The following SRBD1 variants were observed in gnomAD, a reference collection of about 807,000 sequenced individuals.
SRBD1 encodes the protein S1 RNA binding domain 1.
In SRBD1, 88 loss-of-function variants were observed where a neutral mutation model predicts 115.3. The ratio of observed to expected loss-of-function variants is 0.76; its 90% CI spans 0.64 to 0.91. The LOEUF (loss-of-function observed/expected upper bound fraction) is 0.91. Among genes scored for constraint, SRBD1 ranks in the 40% least tolerant of loss-of-function variants. The probability of loss-of-function intolerance (pLI) is 0.00; values close to 1 mark genes in which losing one functional copy is unlikely to be tolerated. For missense variants in SRBD1, 1,385 were observed against 1,177.4 expected (o/e 1.18, Z -2.58); for synonymous variants, 509 against 407.7 (o/e 1.25, Z -2.99).
At chr2:45,596,696 A>G (rs1452737269) in intron 4 of SRBD1, among the ~76,000 whole-genome samples, 3 of 152,194 alleles carry the variant, frequency 2.0e-5, no homozygotes, top group Non-Finnish European at 4.4e-5. Flanking sequence ...TACAGAGCCG[A>G]GCTCATAACA....
At chr2:45,587,028 T>TATTTAAAA (rs1269901391) in intron 4 of SRBD1, among the ~76,000 whole-genome samples, 2 of 131,204 alleles carry the variant, frequency 1.5e-5, no homozygotes, top group African/African-American at 3.1e-5. Flanking sequence ...AATATTAAAA[T>TATTTAAAA]ATTTAAAAAT....
At chr2:45,529,478 A>T (rs1469185300) in intron 14 of SRBD1, among the ~76,000 whole-genome samples, 1 of 151,918 alleles carries the variant, frequency 6.6e-6, no homozygotes, top group Non-Finnish European at 1.5e-5. Context: ...GAAAAATGTC[A>T]AGTCCAAAAT....
At chr2:45,419,654 A>C (rs768857132) in intron 17 of SRBD1, 134 bp downstream of exon 17, 1 of 666,592 alleles carries the variant, frequency 1.5e-6, no homozygotes, top group Non-Finnish European at 2.6e-6. Flanking sequence ...CTGATTACTT[A>C]AAGCAATGTA....
chr2:45,538,913 A>T (rs955620754), intron 14 of SRBD1, among the ~76,000 whole-genome samples: 1 of 151,390 alleles, frequency 6.6e-6, no homozygotes, highest in African/African-American at 2.4e-5. Flanking sequence ...AGCATCCTTT[A>T]AAAAAAAAGA....
chr2:45,540,042 T>C (rs1036772878), intron 14 of SRBD1, among the ~76,000 whole-genome samples: 6 of 152,000 alleles, frequency 3.9e-5, no homozygotes, highest in Non-Finnish European at 8.8e-5. Flanking sequence ...AAAATAAAAC[T>C]GAAATTAAAA....
intron 7 of SRBD1, among the ~76,000 whole-genome samples, chr2:45,577,799 A>G (rs1673226358): frequency 6.6e-6 from 1 of 152,174 alleles, no homozygotes; most frequent in Non-Finnish European, 1.5e-5. Context: ...GACAAAGAGA[A>G]AGAGAAAACA....
chr2:45,488,224 G>T lies in SRBD1; in HGVS notation c.1966+16C>A. On this transcript the variant is annotated intron_variant, in intron 15 of 20. Coordinates refer to ENST00000263736, the MANE Select transcript of SRBD1 (RefSeq NM_018079.5). ...ATCAAAATCACATGTTTTTGTGATG[G>T]TCCATAGTTTCTTACCTGCACTTCT... The T allele has an allele frequency of 6.2e-7, 1 of 1,605,738 alleles. No individual in the cohort carries two copies. The highest frequency in any genetic ancestry group is 8.5e-7 in the Non-Finnish European group (1 of 1,172,912).
intron 16 of SRBD1, among the ~76,000 whole-genome samples, chr2:45,424,076 T>C (rs1379468243): frequency 6.6e-6 from 1 of 152,152 alleles, no homozygotes; most frequent in Admixed American, 6.5e-5. Flanking sequence ...CATAATACAA[T>C]TATTAAAATT....
At chr2:45,414,867 CACACA>C (rs1667756524) in intron 18 of SRBD1, among the ~76,000 whole-genome samples, 5 of 138,620 alleles carry the variant, frequency 3.6e-5, no homozygotes, top group African/African-American at 1.1e-4. Flanking sequence ...ATAGTATGTA[CACACA>C]ATATAGTGTG....
Position 45,406,503 on chromosome 2 carries a change from T to C in SRBD1, c.2513+6611A>G, listed in dbSNP as rs112690811. ...CTATAACATGGGTTCTCTTGCCATATTTAATTGACATTCTACCTCCATCCT... is the reference window on the plus strand; with the variant it reads ...CTATAACATGGGTTCTCTTGCCATACTTAATTGACATTCTACCTCCATCCT... On this transcript the variant is annotated intron_variant, in intron 19 of 20. Coordinates refer to ENST00000263736, the MANE Select transcript of SRBD1 (RefSeq NM_018079.5). Among the ~76,000 whole-genome samples the C allele has an allele frequency of 5.3e-3, 812 of 152,300 alleles. 5 individuals are homozygous for C. Among genetic ancestry groups the C allele is most frequent in the African/African-American group, 0.018 (758 of 41,578 alleles).
chr2:45,557,448 T>G (rs899989732), intron 10 of SRBD1, among the ~76,000 whole-genome samples: 3 of 152,190 alleles, frequency 2.0e-5, no homozygotes, highest in African/African-American at 7.2e-5. Context: ...CCCAGTAGTC[T>G]TCTTCAAGTC....
At chr2:45,409,097 G>A (rs56073859) in intron 19 of SRBD1, among the ~76,000 whole-genome samples, 52,281 of 151,806 alleles carry the variant, frequency 0.34, 9,933 homozygotes, top group Non-Finnish European at 0.44. Context: ...CACAGCACAT[G>A]CCTGTAGTCC....
intron 14 of SRBD1, among the ~76,000 whole-genome samples, chr2:45,541,885 T>C (rs1671952225): frequency 6.6e-6 from 1 of 152,184 alleles, no homozygotes; most frequent in African/African-American, 2.4e-5. Context: ...GATTGGTCCA[T>C]GGGCAGCCAT....
rs1397566914 is a variant in SRBD1 at position 45,579,525 on chromosome 2, A to G, written c.1072+350T>C. Among the ~76,000 whole-genome samples, 3 of 152,286 alleles carry G rather than the reference A, an allele frequency of 2.0e-5. No homozygotes were observed. The East Asian group carries it at 5.8e-4, about 29-fold the overall frequency. On this transcript the variant is annotated intron_variant, in intron 7 of 20. Coordinates refer to ENST00000263736, the MANE Select transcript of SRBD1 (RefSeq NM_018079.5). ...AGATGATTAACTATAATAAAACTCA[A>G]CTAATACCTATTTATCAAGGGATGC...
chr2:45,438,736 G>A (rs1668574227), intron 16 of SRBD1, among the ~76,000 whole-genome samples: 1 of 152,136 alleles, frequency 6.6e-6, no homozygotes, highest in African/African-American at 2.4e-5. Flanking sequence ...TTAATGAACT[G>A]TGGGACAAGA....
At chr2:45,510,518 T>C (rs1227097883) in intron 14 of SRBD1, among the ~76,000 whole-genome samples, 3 of 152,268 alleles carry the variant, frequency 2.0e-5, no homozygotes, top group South Asian at 2.1e-4. Flanking sequence ...GAGGCTCCTA[T>C]GAAAAAAACA....
chr2:45,582,501 G>A (rs1673396049), intron 5 of SRBD1, among the ~76,000 whole-genome samples: 1 of 152,132 alleles, frequency 6.6e-6, no homozygotes, highest in East Asian at 1.9e-4. Flanking sequence ...TTTGTGGAGA[G>A]GTACTTTGAG....
chr2:45,521,259 C>T (rs1671272972), intron 14 of SRBD1, among the ~76,000 whole-genome samples: 2 of 149,264 alleles, frequency 1.3e-5, no homozygotes, highest in African/African-American at 5.0e-5. Context: ...TATATAAGAA[C>T]TCCTACAACT....
chr2:45,585,403 T>C (rs143964676), intron 5 of SRBD1, among the ~76,000 whole-genome samples: 1 of 152,300 alleles, frequency 6.6e-6, no homozygotes, highest in East Asian at 1.9e-4. Context: ...AAATGACCTT[T>C]TTGCTAATAC....
Sources: allele counts gnomAD v4.1 joint callset (sites outside exome capture counted in the v4.1 genomes callset), GRCh38; gene constraint gnomAD v4.1.1; transcripts MANE v1.5; gene names NCBI Gene and HGNC (gene_info 2026-07-23, HGNC 2026-07-21).